The following NEGR1 variants were observed in gnomAD, a reference collection of about 807,000 sequenced individuals.
NEGR1 encodes neuronal growth regulator 1.
NEGR1 carries 10 observed loss-of-function variants against 40.9 expected under a neutral mutation model. The observed-to-expected ratio is 0.24, with a 90% CI of 0.15 to 0.42. The LOEUF is 0.42. NEGR1 is among the 10% of genes least tolerant of loss of function. The pLI, the probability that NEGR1 is intolerant of heterozygous loss-of-function variation, is 1.00. For synonymous variants in NEGR1, 185 were observed against 166.8 expected (o/e 1.11, Z -0.84); for missense variants, 352 against 438.9 (o/e 0.80, Z 1.77).
chr1:72,233,696 G>T (rs1368579203), intron 1 of NEGR1, among the ~76,000 whole-genome samples: 1 of 152,020 alleles, frequency 6.6e-6, no homozygotes, highest in African/African-American at 2.4e-5. Context: ...ATCCATTATT[G>T]ATGAGCACCT....
intron 6 of NEGR1, among the ~76,000 whole-genome samples, chr1:71,534,335 GT>G (rs1330948969): frequency 6.6e-6 from 1 of 151,524 alleles, no homozygotes; most frequent in Non-Finnish European, 1.5e-5. Context: ...AAAATAAGCT[GT>G]CCAAAAGACA....
At chr1:71,438,326 T>C (rs74089337) in intron 6 of NEGR1, among the ~76,000 whole-genome samples, 7,616 of 152,246 alleles carry the variant, frequency 0.05, 402 homozygotes, top group African/African-American at 0.13. Context: ...CATACATATT[T>C]CTAGAATCTT....
rs1646243397 is a variant in NEGR1, at chr1:71,400,967, A to C, written c.*6479T>G. ...AGAATCGCTTGAACCCAGGAGGCGG[A>C]GGTTGCAGTGAGCCAAGATCACACC... On this transcript the variant is annotated 3_prime_UTR_variant, in exon 7 of 7. Transcript: ENST00000357731. 1 of 152,432 alleles carries C rather than the reference A, an allele frequency of 6.6e-6. No individual in the cohort carries two copies. Among genetic ancestry groups the C allele is most frequent in the Non-Finnish European group, 1.5e-5 (1 of 68,264 alleles). The allele number at this position is 152,432 out of a possible 1,614,324, so 9.4% of individuals were successfully genotyped here.
chr1:72,152,732 T>C (rs552990057), intron 1 of NEGR1, among the ~76,000 whole-genome samples: 1 of 152,048 alleles, frequency 6.6e-6, no homozygotes, highest in Admixed American at 6.6e-5. Flanking sequence ...CAGGTGCCCA[T>C]CAATGGTAGA....
At chr1:71,848,006 T>C (rs1413482074) in intron 2 of NEGR1, among the ~76,000 whole-genome samples, 2 of 152,168 alleles carry the variant, frequency 1.3e-5, no homozygotes, top group Non-Finnish European at 2.9e-5. Context: ...TTATTGCTGA[T>C]ATGGAGAAAT....
intron 6 of NEGR1, among the ~76,000 whole-genome samples, chr1:71,418,146 T>C (rs1442212323): frequency 1.3e-5 from 2 of 150,612 alleles, no homozygotes; most frequent in Non-Finnish European, 2.9e-5. Flanking sequence ...TGTGTTGAGA[T>C]AGACCTTTCT....
intron 2 of NEGR1, among the ~76,000 whole-genome samples, chr1:71,900,009 A>C (rs1321479810): frequency 6.6e-6 from 1 of 152,238 alleles, no homozygotes; most frequent in Non-Finnish European, 1.5e-5. Flanking sequence ...CATTTGAAGT[A>C]TATACAATCA....
At chr1:71,417,418 T>C (rs368395259) in intron 6 of NEGR1, among the ~76,000 whole-genome samples, 9 of 152,182 alleles carry the variant, frequency 5.9e-5, no homozygotes, top group African/African-American at 2.2e-4. Context: ...AATTCAGGAC[T>C]TGGAAATATT....
At chr1:71,797,234 T>G (rs1183597926) in intron 2 of NEGR1, among the ~76,000 whole-genome samples, 3 of 152,160 alleles carry the variant, frequency 2.0e-5, no homozygotes, top group Non-Finnish European at 2.9e-5. Context: ...ATTATTAACC[T>G]AATTCTAAGA....
intron 6 of NEGR1, among the ~76,000 whole-genome samples, chr1:71,514,737 G>T (rs1211584342): frequency 3.1e-5 from 1 of 32,690 alleles, no homozygotes; most frequent in Non-Finnish European, 5.5e-5. Flanking sequence ...TGATTTTGAC[G>T]AGCTGAGAGA....
chr1:71,674,240 A>G (rs1035706698), intron 4 of NEGR1, among the ~76,000 whole-genome samples: 3 of 152,168 alleles, frequency 2.0e-5, no homozygotes, highest in Non-Finnish European at 4.4e-5. Context: ...AAACATCTAT[A>G]TAAAATCAAC....
intron 1 of NEGR1, among the ~76,000 whole-genome samples, chr1:72,206,518 T>C (rs942290041): frequency 6.6e-6 from 1 of 152,122 alleles, no homozygotes; most frequent in African/African-American, 2.4e-5. Context: ...TCTTATTTAA[T>C]GGCCACTTCT....
Position 71,739,218 on chromosome 1 carries a change from C to CAA in NEGR1, c.535+36952_535+36953dup, listed in dbSNP as rs538547056. ...CAGGCAGAAAAAAAAAAAAAAAAAA[C>CAA]AAAAAAAAAAAACGTGAAAAGACTA... On this transcript the variant is annotated intron_variant, in intron 3 of 6. Transcript: ENST00000357731. 1.4e-3 allele frequency among the ~76,000 whole-genome samples: 174 copies of CAA among 123,954 alleles called. 2 individuals are homozygous for CAA. Among genetic ancestry groups the CAA allele is most frequent in the South Asian group, 6.4e-3 (25 of 3,916 alleles). The allele number at this position is 123,954 out of a possible 152,430, so 81.3% of individuals were successfully genotyped here. A position where few individuals can be genotyped will look rare whatever the true frequency, so the allele number is the denominator to read the frequency against.
At chr1:71,615,836 C>A (rs550340925) in intron 4 of NEGR1, among the ~76,000 whole-genome samples, 2 of 152,088 alleles carry the variant, frequency 1.3e-5, no homozygotes, top group South Asian at 2.1e-4. Context: ...GAGAGGAAAC[C>A]GGCAGAATAA....
intron 2 of NEGR1, among the ~76,000 whole-genome samples, chr1:71,859,775 C>A (rs1159674347): frequency 6.6e-6 from 1 of 151,974 alleles, no homozygotes; most frequent in East Asian, 1.9e-4. Flanking sequence ...TGTTTTATCA[C>A]CACTGTCTAT....
chr1:71,954,566 T>C (rs1380596951), intron 1 of NEGR1, among the ~76,000 whole-genome samples: 1 of 152,004 alleles, frequency 6.6e-6, no homozygotes, highest in Non-Finnish European at 1.5e-5. Flanking sequence ...GTTATCAATA[T>C]ATTTCCCAAG....
chr1:71,606,252 T>C (rs1285523795), intron 5 of NEGR1, among the ~76,000 whole-genome samples: 1 of 152,198 alleles, frequency 6.6e-6, no homozygotes, highest in African/African-American at 2.4e-5. Flanking sequence ...TCGCCTATGG[T>C]GACATCCACG....
intron 2 of NEGR1, among the ~76,000 whole-genome samples, chr1:71,866,337 T>C (rs1442094603): frequency 6.6e-6 from 1 of 152,184 alleles, no homozygotes; most frequent in African/African-American, 2.4e-5. Flanking sequence ...GGAATTGTTT[T>C]TGACATAATG....
In NEGR1 at chr1:71,957,521, G is replaced by T. The variant is rs191904531; in HGVS notation, c.177-22210C>A. Among the ~76,000 whole-genome samples the T allele has an allele frequency of 4.3e-3, 650 of 152,192 alleles. 5 individuals are homozygous for T. The highest frequency in any genetic ancestry group is 5.3e-3 in the Non-Finnish European group (361 of 67,974). On this transcript the variant is annotated intron_variant, in intron 1 of 6. Coordinates refer to ENST00000357731, the MANE Select transcript of NEGR1 (RefSeq NM_173808.3). ...CATGATCAGTAAATATAAATTTTTT[G>T]AAAATGTATAGGAGGAAAATGCCTA...
Sources: allele counts gnomAD v4.1 joint callset (sites outside exome capture counted in the v4.1 genomes callset), GRCh38; gene constraint gnomAD v4.1.1; transcripts MANE v1.5; gene names NCBI Gene and HGNC (gene_info 2026-07-23, HGNC 2026-07-21).